Variants in FAF1 observed in about 807,000 individuals in gnomAD.
FAF1 encodes the protein Fas associated factor 1, also known as FAS-associated factor 1.
In FAF1, 25 loss-of-function variants were observed where a neutral mutation model predicts 92.5. The ratio of observed to expected loss-of-function variants is 0.27; its 90% CI spans 0.20 to 0.38. FAF1 has a LOEUF of 0.38. FAF1 is among the 10% of genes least tolerant of loss of function. The pLI is 1.00. For missense variants in FAF1, 636 were observed against 793.3 expected (o/e 0.80, Z 2.38); for synonymous variants, 234 against 273.2 (o/e 0.86, Z 1.42).
chr1:50,786,411 A>C (rs924984263), intron 4 of FAF1, among the ~76,000 whole-genome samples: 2 of 152,228 alleles, frequency 1.3e-5, no homozygotes, highest in African/African-American at 4.8e-5. Flanking sequence ...TCAAACTTAC[A>C]GAAACAGAAG....
intron 7 of FAF1, among the ~76,000 whole-genome samples, chr1:50,679,420 G>C (rs140449808): frequency 9.4e-4 from 138 of 146,218 alleles, no homozygotes; most frequent in African/African-American, 3.3e-3. Context: ...CTATTAAATA[G>C]ATGGCATTAT....
At chr1:50,941,038 T>G (rs919306512) in intron 1 of FAF1, among the ~76,000 whole-genome samples, 27 of 151,802 alleles carry the variant, frequency 1.8e-4, no homozygotes, top group Non-Finnish European at 2.7e-4. Flanking sequence ...TTTTGGTTTT[T>G]TTTTTTTTTT....
intron 7 of FAF1, among the ~76,000 whole-genome samples, chr1:50,701,229 C>T (rs530127315): frequency 2.0e-5 from 3 of 151,990 alleles, no homozygotes; most frequent in African/African-American, 7.2e-5. Context: ...CTAATTGATC[C>T]AATATATGCC....
At chr1:50,847,214 T>G (rs1476599678) in intron 2 of FAF1, among the ~76,000 whole-genome samples, 1 of 152,110 alleles carries the variant, frequency 6.6e-6, no homozygotes, top group Non-Finnish European at 1.5e-5. Context: ...TGAAGACTAA[T>G]GTATTAATTA....
At chr1:50,550,351 TAAAAAAA>T (rs11297579) in intron 13 of FAF1, among the ~76,000 whole-genome samples, 1 of 108,360 alleles carries the variant, frequency 9.2e-6, no homozygotes, top group Non-Finnish European at 1.8e-5. Context: ...ACTCCGTCTT[TAAAAAAA>T]AAAAAAAAAA....
At chr1:50,809,934 C>T (rs1384953552) in intron 2 of FAF1, among the ~76,000 whole-genome samples, 1 of 152,150 alleles carries the variant, frequency 6.6e-6, no homozygotes, top group Non-Finnish European at 1.5e-5. Flanking sequence ...ATCAAGTGGG[C>T]CCTGGGATAC....
At chr1:50,602,461 G>A (rs1436465980) in intron 8 of FAF1, among the ~76,000 whole-genome samples, 1 of 151,022 alleles carries the variant, frequency 6.6e-6, no homozygotes, top group East Asian at 1.9e-4. Context: ...GCAGTATTCA[G>A]TGCTATTAAT....
intron 13 of FAF1, 70 bp downstream of exon 13, chr1:50,567,007 G>T: frequency 8.5e-7 from 1 of 1,171,284 alleles, no homozygotes; most frequent in Non-Finnish European, 1.2e-6. Context: ...AAATGTTTAT[G>T]ATGATGATAA....
At chr1:50,752,484 T>A (rs1354695536) in intron 4 of FAF1, among the ~76,000 whole-genome samples, 1 of 152,192 alleles carries the variant, frequency 6.6e-6, no homozygotes, top group Non-Finnish European at 1.5e-5. Context: ...ATTCCCAATA[T>A]GAATAACTTG....
At chr1:50,878,447 G>C (rs1644587600) in intron 1 of FAF1, among the ~76,000 whole-genome samples, 1 of 152,140 alleles carries the variant, frequency 6.6e-6, no homozygotes, top group African/African-American at 2.4e-5. Context: ...ATCTGCTGTG[G>C]GTGGTTTCTT....
intron 12 of FAF1, among the ~76,000 whole-genome samples, chr1:50,579,162 G>C (rs1332739192): frequency 6.6e-6 from 1 of 152,040 alleles, no homozygotes; most frequent in Admixed American, 6.5e-5. Flanking sequence ...ATATTCCTCA[G>C]GGGATTATCA....
At chr1:50,708,875 A>G (rs1376196607) in intron 6 of FAF1, among the ~76,000 whole-genome samples, 1 of 152,204 alleles carries the variant, frequency 6.6e-6, no homozygotes. Context: ...TAAAGGTGGG[A>G]AGGGCAGAAA....
At chr1:50,666,306 G>A (rs1655629542) in intron 7 of FAF1, among the ~76,000 whole-genome samples, 4 of 151,990 alleles carry the variant, frequency 2.6e-5, no homozygotes, top group Admixed American at 2.0e-4. Context: ...TGGATCTCCT[G>A]GGCTGATAAG....
chr1:50,523,891 C>T (rs778725970), intron 15 of FAF1, among the ~76,000 whole-genome samples: 7 of 152,120 alleles, frequency 4.6e-5, no homozygotes, highest in Admixed American at 1.3e-4. Context: ...AATTTATATT[C>T]CTTTGGGTAA....
intron 1 of FAF1, among the ~76,000 whole-genome samples, chr1:50,887,152 G>C (rs1239312175): frequency 6.6e-6 from 1 of 152,138 alleles, no homozygotes; most frequent in Non-Finnish European, 1.5e-5. Context: ...ATTTTTTCAT[G>C]TGTCTGTTGG....
intron 17 of FAF1, among the ~76,000 whole-genome samples, chr1:50,487,598 A>G (rs1646782864): frequency 6.6e-6 from 1 of 152,174 alleles, no homozygotes; most frequent in African/African-American, 2.4e-5. Context: ...TATTAGGGCC[A>G]ATGACCAGAT....
At chr1:50,927,445 G>T (rs1326542408) in intron 1 of FAF1, among the ~76,000 whole-genome samples, 1 of 152,170 alleles carries the variant, frequency 6.6e-6, no homozygotes, top group Non-Finnish European at 1.5e-5. Context: ...AGCCGGGCAT[G>T]GTGGCATGTG....
At chr1:50,869,188 T>C (rs953978915) in intron 1 of FAF1, among the ~76,000 whole-genome samples, 2 of 152,194 alleles carry the variant, frequency 1.3e-5, no homozygotes, top group Non-Finnish European at 2.9e-5. Flanking sequence ...AATATTGTCA[T>C]CTAGCTTTTC....
intron 18 of FAF1, among the ~76,000 whole-genome samples, chr1:50,454,640 C>T (rs1021019020): frequency 1.3e-5 from 2 of 152,226 alleles, no homozygotes; most frequent in African/African-American, 4.8e-5. Flanking sequence ...CCAAGGTCTG[C>T]TGGCTGACAT....
Sources: gnomAD v4.1 joint callset for allele counts (sites outside exome capture counted in the v4.1 genomes callset) on GRCh38, gnomAD v4.1.1 for gene constraint, MANE v1.5 for transcripts, NCBI Gene and HGNC (gene_info 2026-07-23, HGNC 2026-07-21) for gene names.